Variants in ALDH1A2 observed in about 807,000 individuals in gnomAD.
ALDH1A2 encodes aldehyde dehydrogenase 1 family member A2, also known as retinal dehydrogenase 2.
A neutral mutation model predicts 60.3 loss-of-function variants in ALDH1A2; 27 were observed. That is an observed-to-expected ratio of 0.45 (90% confidence interval 0.33 to 0.62). The LOEUF (loss-of-function observed/expected upper bound fraction) is 0.62, where lower values mean the gene tolerates loss of function less well. Among genes scored for constraint, ALDH1A2 ranks in the 20% least tolerant of loss-of-function variants. The pLI is 0.02. For synonymous variants in ALDH1A2, 289 were observed against 232.4 expected, an observed-to-expected ratio of 1.24 and a Z score of -2.21; for missense variants, 581 against 643.8, an observed-to-expected ratio of 0.90 and a Z score of 1.06.
At chr15:57,970,380 G>C (rs1479928332) in intron 7 of ALDH1A2, among the ~76,000 whole-genome samples, 1 of 152,168 alleles carries the variant, frequency 6.6e-6, no homozygotes, top group African/African-American at 2.4e-5. Context: ...CTAATTCTCA[G>C]CAGGAATGCT....
chr15:58,010,860 AAGAG>A, intron 3 of ALDH1A2, 82 bp from the exon 4 acceptor site: 1 of 1,551,706 alleles, frequency 6.4e-7, no homozygotes, highest in Non-Finnish European at 8.8e-7. Context: ...AGAAAAAAGG[AAGAG>A]AGAGAATACA....
chr15:58,020,947 C>A (rs1243683677), intron 1 of ALDH1A2, among the ~76,000 whole-genome samples: 1 of 152,128 alleles, frequency 6.6e-6, no homozygotes, highest in Non-Finnish European at 1.5e-5. Flanking sequence ...AAGTTCATAA[C>A]CATTAGATCT....
intron 1 of ALDH1A2, among the ~76,000 whole-genome samples, chr15:58,060,369 C>G (rs536689686): frequency 6.6e-6 from 1 of 151,828 alleles, no homozygotes; most frequent in Non-Finnish European, 1.5e-5. Flanking sequence ...TCATTTAGTC[C>G]TTTTAACCCC....
At chr15:58,061,519 G>C (rs1897031391) in intron 1 of ALDH1A2, among the ~76,000 whole-genome samples, 1 of 148,246 alleles carries the variant, frequency 6.7e-6, no homozygotes, top group African/African-American at 2.5e-5. Flanking sequence ...CTTCTTAAGA[G>C]GGGTAGACTA....
chr15:58,034,974 C>T (rs937146536), intron 1 of ALDH1A2, among the ~76,000 whole-genome samples: 5 of 151,570 alleles, frequency 3.3e-5, no homozygotes, highest in African/African-American at 1.2e-4. Flanking sequence ...ATTAGGGTAA[C>T]GATGGCCTCA....
chr15:57,969,146 A>C (rs1406098522), intron 7 of ALDH1A2, among the ~76,000 whole-genome samples: 3 of 152,210 alleles, frequency 2.0e-5, no homozygotes, highest in Non-Finnish European at 2.9e-5. Context: ...GGACACTCCT[A>C]AACAGCCCTG....
intron 7 of ALDH1A2, among the ~76,000 whole-genome samples, chr15:57,988,488 T>A (rs1284744770): frequency 6.6e-6 from 1 of 152,152 alleles, no homozygotes; most frequent in African/African-American, 2.4e-5. Flanking sequence ...ACAACAAAAA[T>A]GAAAACACGA....
At position 58,036,357 on chromosome 15, in the gene ALDH1A2, A is replaced by T. The variant is rs192169500; in HGVS notation, c.118-22076T>A. 5.3e-5 allele frequency among the ~76,000 whole-genome samples: 8 copies of T among 151,352 alleles called. No individual in the cohort carries two copies. In the East Asian group the frequency reaches 1.5e-3, roughly 29 times the overall value. On this transcript the variant is annotated intron_variant, in intron 1 of 12. Transcript: ENST00000249750. ...ATATTTATCCAAGATCTAGATGCATAATGACAGAAAGACACTGGGCAGCAA... is the reference window on the plus strand; with the variant it reads ...ATATTTATCCAAGATCTAGATGCATTATGACAGAAAGACACTGGGCAGCAA...
chr15:57,974,325 T>C (rs535541259), intron 7 of ALDH1A2, among the ~76,000 whole-genome samples: 1 of 148,332 alleles, frequency 6.7e-6, no homozygotes, highest in Non-Finnish European at 1.5e-5. Flanking sequence ...TCCAGCTACT[T>C]GGGAGGCTGA....
Position 57,992,768 on chromosome 15 carries a change from C to T in ALDH1A2, c.735G>A (p.Thr245=), listed in dbSNP as rs144628261. The T allele has an allele frequency of 7.9e-4, 1,279 of 1,614,114 alleles. 12 individuals carry two copies. The South Asian group carries it at 0.013, about 16-fold the overall frequency. The change falls in exon 7 of 13, where the codon ACG becomes ACA. Residue 245 remains threonine (T), a synonymous_variant. Transcript: ENST00000249750. ...TGTGAGAAGCTATTGCTGCCCCAGC[C>T]GTTGGCCCATATCCTGGCAAAATAT... ...VINILPGYGP[T]AGAAIASHIG...
At chr15:58,058,681 A>G (rs1896954123) in intron 1 of ALDH1A2, among the ~76,000 whole-genome samples, 2 of 152,158 alleles carry the variant, frequency 1.3e-5, no homozygotes, top group Admixed American at 1.3e-4. Flanking sequence ...ACCTAAACAA[A>G]AGCTTTTCTC....
At chr15:57,970,424 G>C (rs953857275) in intron 7 of ALDH1A2, among the ~76,000 whole-genome samples, 1 of 152,190 alleles carries the variant, frequency 6.6e-6, no homozygotes, top group African/African-American at 2.4e-5. Flanking sequence ...ATCCTCGTTT[G>C]AATAGGCCTC....
At chr15:58,009,838 G>T (rs12915508) in intron 4 of ALDH1A2, among the ~76,000 whole-genome samples, 3 of 151,736 alleles carry the variant, frequency 2.0e-5, no homozygotes, top group African/African-American at 7.3e-5. Flanking sequence ...GAAGATGTTT[G>T]TAACAGTGCC....
At position 58,023,140 on chromosome 15, in the gene ALDH1A2, AT is replaced by A. The variant is rs570542877; in HGVS notation, c.118-8860del. Among the ~76,000 whole-genome samples, 321 of 152,048 alleles carry A rather than the reference AT, an allele frequency of 2.1e-3. 2 individuals are homozygous for A. Among genetic ancestry groups the A allele is most frequent in the Admixed American group, 3.9e-3 (59 of 15,280 alleles). On this transcript the variant is annotated intron_variant, in intron 1 of 12. Coordinates refer to ENST00000249750, the MANE Select transcript of ALDH1A2 (RefSeq NM_003888.4). ...AATGAGAAACTTACCAAAGAGATAA[AT>A]TTTTTTTTAAAGAAACAAATAGAAA...
chr15:57,961,673 G>A (rs1893725397), intron 10 of ALDH1A2, among the ~76,000 whole-genome samples: 1 of 152,150 alleles, frequency 6.6e-6, no homozygotes, highest in Non-Finnish European at 1.5e-5. Context: ...AGATGCTTCA[G>A]TGGATTCTCT....
chr15:57,984,802 G>C (rs1385681963), intron 7 of ALDH1A2, among the ~76,000 whole-genome samples: 4 of 152,138 alleles, frequency 2.6e-5, no homozygotes, highest in Admixed American at 6.5e-5. Flanking sequence ...TGGCAATTAG[G>C]AATAATACTG....
intron 10 of ALDH1A2, 129 bp downstream of exon 10, chr15:57,961,883 G>T: frequency 7.7e-7 from 1 of 1,298,348 alleles, no homozygotes; most frequent in Non-Finnish European, 1.1e-6. Context: ...TCATAGCCAT[G>T]TTCATTACTG....
chr15:58,037,423 G>T (rs1044714223), intron 1 of ALDH1A2, among the ~76,000 whole-genome samples: 2 of 151,584 alleles, frequency 1.3e-5, no homozygotes, highest in Non-Finnish European at 3.0e-5. Flanking sequence ...AGGGCTAAGA[G>T]AAAGAAGTGG....
rs4646641 is a variant in ALDH1A2, at chr15:57,955,335, G to T, written c.1485-66C>A. Reference sequence around the variant, plus strand: ...AGGGAGCTGCATGTGAGTGCAGCGGGAGTCCTGGGGAGGTGCAGTTTATCA... The same window carrying T: ...AGGGAGCTGCATGTGAGTGCAGCGGTAGTCCTGGGGAGGTGCAGTTTATCA... On this transcript the variant is annotated intron_variant, in intron 12 of 12. Coordinates refer to ENST00000249750, the MANE Select transcript of ALDH1A2 (RefSeq NM_003888.4). The T allele has an allele frequency of 2.3e-3, 3,512 of 1,534,190 alleles. 68 individuals carry two copies. The East Asian group carries it at 0.044, about 19-fold the overall frequency.
Sources: gnomAD v4.1 joint callset for allele counts (sites outside exome capture counted in the v4.1 genomes callset) on GRCh38, gnomAD v4.1.1 for gene constraint, MANE v1.5 for transcripts, NCBI Gene and HGNC (gene_info 2026-07-23, HGNC 2026-07-21) for gene names.